KPNA6: variants seen among roughly 807,000 people sequenced by gnomAD.
KPNA6 encodes karyopherin subunit alpha 6, also known as importin subunit alpha-7.
In KPNA6, 9 loss-of-function variants were observed where a neutral mutation model predicts 72.0. That is an observed-to-expected ratio of 0.13 (90% CI 0.08 to 0.22). KPNA6 has a LOEUF of 0.22. Among genes scored for constraint, KPNA6 ranks in the 10% least tolerant of loss-of-function variants. The probability of loss-of-function intolerance (pLI) is 1.00; values close to 1 mark genes in which losing one functional copy is unlikely to be tolerated. For synonymous variants in KPNA6, 219 were observed against 242.1 expected, an observed-to-expected ratio of 0.90 and a Z score of 0.89; for missense variants, 374 against 655.7, an observed-to-expected ratio of 0.57 and a Z score of 4.69.
At chr1:32,150,127 C>CTTTTTTTTTTTT (rs35179721) in intron 1 of KPNA6, among the ~76,000 whole-genome samples, 37 of 87,052 alleles carry the variant, frequency 4.3e-4, no homozygotes, top group Non-Finnish European at 6.4e-4. Context: ...AATTTTTAGT[C>CTTTTTTTTTTTT]TTTTTTTTTT....
rs539604393 is a variant in KPNA6 at position 32,115,093 on chromosome 1, G to A, written c.4+6959G>A. Among the ~76,000 whole-genome samples the A allele has an allele frequency of 2.0e-5, 3 of 151,524 alleles. No individual in the cohort carries two copies. The East Asian group carries it at 5.9e-4, about 30-fold the overall frequency. ...GACCTCAAGTGATCCGCCCACCTCA[G>A]CCTCCCAAAGTGCTGGGATTATAGG... On this transcript the variant is annotated intron_variant, in intron 1 of 13. Coordinates refer to ENST00000373625, the MANE Select transcript of KPNA6 (RefSeq NM_012316.5).
intron 1 of KPNA6, among the ~76,000 whole-genome samples, chr1:32,141,917 G>T (rs963520590): frequency 7.2e-5 from 11 of 152,088 alleles, no homozygotes; most frequent in Admixed American, 2.0e-4. Context: ...AGACTGGGTG[G>T]TTTAAACAAC....
intron 13 of KPNA6, 91 bp from the exon 14 acceptor site, chr1:32,170,616 A>T: frequency 9.6e-7 from 1 of 1,044,012 alleles, no homozygotes; most frequent in Non-Finnish European, 1.5e-6. Context: ...GTAAGCACTA[A>T]CATACCTCAG....
chr1:32,108,107 C>G lies in KPNA6; in HGVS notation c.-24C>G. 1 of 1,614,042 alleles carries G rather than the reference C, an allele frequency of 6.2e-7. No individual in the cohort carries two copies. Among genetic ancestry groups the G allele is most frequent in the Non-Finnish European group, 8.5e-7 (1 of 1,179,938 alleles). On this transcript the variant is annotated 5_prime_UTR_variant, in exon 1 of 14. Transcript: ENST00000373625. ...AAGCTGCCGCCGTTGCCTCCGCCGC[C>G]AAGAGTGAGCGAGCGGACCCGCGAT...
chr1:32,160,259 C>T (rs1642213136), intron 6 of KPNA6, among the ~76,000 whole-genome samples: 1 of 147,518 alleles, frequency 6.8e-6, no homozygotes, highest in Non-Finnish European at 1.5e-5. Context: ...GAGATTGTGC[C>T]ACTGCACTCC....
intron 2 of KPNA6, among the ~76,000 whole-genome samples, chr1:32,156,201 T>C (rs1642140191): frequency 6.6e-6 from 1 of 152,066 alleles, no homozygotes; most frequent in South Asian, 2.1e-4. Flanking sequence ...CTCCAAGTCC[T>C]TGAATATCTT....
At chr1:32,163,846 A>G (rs555658265) in intron 10 of KPNA6, among the ~76,000 whole-genome samples, 4 of 152,200 alleles carry the variant, frequency 2.6e-5, no homozygotes, top group Non-Finnish European at 5.9e-5. Context: ...TTAACAGGTG[A>G]GTAGTGTCAC....
At chr1:32,130,122 G>T (rs1263019194) in intron 1 of KPNA6, among the ~76,000 whole-genome samples, 1 of 151,690 alleles carries the variant, frequency 6.6e-6, no homozygotes, top group African/African-American at 2.4e-5. Context: ...TTTTGCCTGA[G>T]AATGCCTCCC....
At position 32,166,009 on chromosome 1, in the gene KPNA6, C is replaced by A. The variant is rs58551591; in HGVS notation, c.991-96C>A. 4.9e-3 allele frequency: 5,527 copies of A among 1,133,860 alleles called. 78 individuals carry two copies. In the African/African-American group the frequency reaches 0.049, roughly 10 times the overall value. 70.2% of individuals were successfully genotyped at this position (1,133,860 alleles called of 1,614,324 possible). A position where few individuals can be genotyped will look rare whatever the true frequency, so the allele number is the denominator to read the frequency against. The stretch of plus-strand genomic sequence containing the variant: ...CGAGACTCTGTCTCAAAAAAAAAAA[C>A]AAAAACAACAACAACAACAACAACA... On this transcript the variant is annotated intron_variant, in intron 10 of 13. Transcript: ENST00000373625.
chr1:32,153,375 G>A (rs1394955596), intron 1 of KPNA6, among the ~76,000 whole-genome samples: 4 of 151,906 alleles, frequency 2.6e-5, no homozygotes, highest in Non-Finnish European at 5.9e-5. Context: ...AGATCAGCCT[G>A]GCCAACATGG....
At position 32,169,862 on chromosome 1, in the gene KPNA6, G is replaced by C; in HGVS notation, c.1245-20G>C. The C allele has an allele frequency of 6.2e-7, 1 of 1,611,232 alleles. No individual in the cohort carries two copies. The highest frequency in any genetic ancestry group is 8.5e-7 in the Non-Finnish European group (1 of 1,178,088). On this transcript the variant is annotated intron_variant, in intron 12 of 13. Coordinates refer to ENST00000373625, the MANE Select transcript of KPNA6 (RefSeq NM_012316.5). Reference sequence around the variant, plus strand: ...TGTGTCCTGTACTAGTTTAGCACTTGCCTGGTCTCTGGCCCCTAGGTACCT... The same window carrying C: ...TGTGTCCTGTACTAGTTTAGCACTTCCCTGGTCTCTGGCCCCTAGGTACCT...
intron 12 of KPNA6, among the ~76,000 whole-genome samples, chr1:32,168,344 C>A (rs112805693): frequency 6.6e-6 from 1 of 152,212 alleles, no homozygotes; most frequent in African/African-American, 2.4e-5. Flanking sequence ...CACGTGCCAC[C>A]ACGCCCGGCT....
rs1457168018 is a variant in KPNA6, at chr1:32,162,417, G to T, written c.804G>T (p.Leu268Phe). The change falls in exon 9 of 14, where the codon TTG becomes TTT. Residue 268 changes from leucine to phenylalanine, a missense_variant. By Grantham distance (22) the Leu-to-Phe change is conservative. Around this residue, in one of 3 missense-constraint regions of KPNA6, gnomAD observed 298 missense variants for 495.4 expected, o/e 0.60. Coordinates refer to ENST00000373625, the MANE Select transcript of KPNA6 (RefSeq NM_012316.5). ...TACTCTTCAGCAGCGACTCGGACTT[G>T]CTGGCAGATGCTTGCTGGGCCCTTT... ...SRLLFSSDSD[L>F]LADACWALSY... 1.2e-6 allele frequency: 2 copies of T among 1,613,968 alleles called. No homozygotes were observed. Among genetic ancestry groups the T allele is most frequent in the Admixed American group, 3.3e-5 (2 of 59,992 alleles).
chr1:32,169,773 A>C, intron 12 of KPNA6, 109 bp from the exon 13 acceptor site: 3 of 1,051,868 alleles, frequency 2.9e-6, no homozygotes, highest in Middle Eastern at 3.2e-4. Flanking sequence ...CAATTCTTAA[A>C]AATAAAAAAA....
chr1:32,154,442 G>C (rs1254519197), intron 1 of KPNA6, 146 bp from the exon 2 acceptor site: 2 of 700,632 alleles, frequency 2.9e-6, no homozygotes, highest in East Asian at 2.8e-5. Flanking sequence ...GGGGTGGGTA[G>C]AGATGTCAGG....
intron 10 of KPNA6, 110 bp from the exon 11 acceptor site, chr1:32,165,995 C>G: frequency 1.6e-6 from 2 of 1,243,274 alleles, no homozygotes; most frequent in Non-Finnish European, 2.2e-6. Context: ...GAGACTCTGT[C>G]TCAAAAAAAA....
At chr1:32,167,053 A>G in intron 11 of KPNA6, 116 bp from the exon 12 acceptor site, 1 of 1,358,978 alleles carries the variant, frequency 7.4e-7, no homozygotes, top group Admixed American at 2.1e-5. Context: ...GAAGAACAAA[A>G]GAAAACTCCC....
rs140437938 is a variant in KPNA6 at position 32,145,999 on chromosome 1, T to G, written c.5-8589T>G. Among the ~76,000 whole-genome samples the G allele has an allele frequency of 5.1e-3, 780 of 152,346 alleles. 4 individuals carry two copies. Among genetic ancestry groups the G allele is most frequent in the Non-Finnish European group, 7.8e-3 (532 of 68,028 alleles). ...TTTATATGACTTCAGTCTTCCAAAA[T>G]TTATTGAGACACTTTTAGTGGGCTA... On this transcript the variant is annotated intron_variant, in intron 1 of 13. Coordinates refer to ENST00000373625, the MANE Select transcript of KPNA6 (RefSeq NM_012316.5).
In KPNA6 at chr1:32,133,752, C is replaced by G. The variant is rs115511216; in HGVS notation, c.5-20836C>G. On this transcript the variant is annotated intron_variant, in intron 1 of 13. Transcript: ENST00000373625. ...CGTCAAGCAAGAATTCTATATCTGG[C>G]CAGGCAGCATGGGCGTGGTGGCTCA... 6.1e-3 allele frequency among the ~76,000 whole-genome samples: 924 copies of G among 152,120 alleles called. 8 individuals carry two copies. The highest frequency in any genetic ancestry group is 0.021 in the African/African-American group (886 of 41,518).
Sources: gnomAD v4.1 joint callset for allele counts (sites outside exome capture counted in the v4.1 genomes callset) on GRCh38, gnomAD v4.1.1 for gene constraint, gnomAD v4.1.1 regional missense constraint, MANE v1.5 for transcripts, NCBI Gene and HGNC (gene_info 2026-07-23, HGNC 2026-07-21) for gene names.